The following FBXO25 variants were observed in gnomAD, a reference collection of about 807,000 sequenced individuals.
FBXO25 encodes F-box only protein 25.
FBXO25 carries 45 observed loss-of-function variants against 51.9 expected under a neutral mutation model. The observed-to-expected ratio is 0.87, with a 90% CI of 0.68 to 1.11. The LOEUF is 1.11. FBXO25 is among the 50% of genes most tolerant of loss of function. FBXO25 has a pLI of 0.00. For synonymous variants in FBXO25, 199 were observed against 151.0 expected, an observed-to-expected ratio of 1.32 and a Z score of -2.33; for missense variants, 507 against 428.5, an observed-to-expected ratio of 1.18 and a Z score of -1.62.
In FBXO25 at chr8:476,165, A is replaced by C. The variant is rs566401711; in HGVS notation, c.*7361A>C. The C allele has an allele frequency of 6.6e-6, 1 of 152,230 alleles. No homozygotes were observed. Among genetic ancestry groups the C allele is most frequent in the African/African-American group, 2.4e-5 (1 of 41,552 alleles). 9.4% of individuals were successfully genotyped at this position (152,230 alleles called of 1,614,324 possible). A position where few individuals can be genotyped will look rare whatever the true frequency, so the allele number is the denominator to read the frequency against. On this transcript the variant is annotated 3_prime_UTR_variant, in exon 10 of 10. Transcript: ENST00000350302. ...ATTCTATTAATGTAATAGACATTAC[A>C]TTTATTGACTTGAGCATGTTGAAAC...
intron 2 of FBXO25, among the ~76,000 whole-genome samples, chr8:419,498 A>G (rs1233378235): frequency 6.6e-6 from 1 of 152,268 alleles, no homozygotes. Context: ...AGATAAGTCC[A>G]TACAGATATG....
intron 7 of FBXO25, among the ~76,000 whole-genome samples, chr8:454,894 A>G (rs1446872130): frequency 6.9e-6 from 1 of 145,780 alleles, no homozygotes; most frequent in Non-Finnish European, 1.5e-5. Flanking sequence ...CCATCTCAAA[A>G]AAAGAAAAAG....
chr8:417,533 G>A (rs1406595467), intron 2 of FBXO25, among the ~76,000 whole-genome samples: 1 of 152,210 alleles, frequency 6.6e-6, no homozygotes, highest in Non-Finnish European at 1.5e-5. Flanking sequence ...CAGCTAGAAG[G>A]TAGAGTTGCA....
Position 473,206 on chromosome 8 carries a change from C to G in FBXO25, c.*4402C>G, listed in dbSNP as rs76516419. 9.2e-5 allele frequency: 14 copies of G among 152,408 alleles called. No homozygotes were observed. The highest frequency in any genetic ancestry group is 1.5e-4 in the Non-Finnish European group (10 of 68,108). The allele number at this position is 152,408 out of a possible 1,614,324, so 9.4% of individuals were successfully genotyped here. A position where few individuals can be genotyped will look rare whatever the true frequency, so the allele number is the denominator to read the frequency against. ...TCAACTTTGGAAAGCAGTGTCCCCC[C>G]GCGTCCCATGGGCTAAATGCCACTG... On this transcript the variant is annotated 3_prime_UTR_variant, in exon 10 of 10. Transcript: ENST00000350302.
rs565595341 is a variant in FBXO25, at chr8:407,350, C to T, written c.-8+284C>T. 38 of 955,852 alleles carry T rather than the reference C, an allele frequency of 4.0e-5. No homozygotes were observed. In the East Asian group the frequency reaches 4.5e-3, roughly 112 times the overall value. The allele number at this position is 955,852 out of a possible 1,614,324, so 59.2% of individuals were successfully genotyped here. ...CAGGTGGGGACGGGATTGCCGCGTG[C>T]GCGTCTGCTGAAGTCTGGGTCCGCG... On this transcript the variant is annotated intron_variant, in intron 1 of 9. Transcript: ENST00000350302.
intron 5 of FBXO25, among the ~76,000 whole-genome samples, chr8:443,176 G>A (rs1377855319): frequency 6.6e-6 from 1 of 151,160 alleles, no homozygotes; most frequent in Non-Finnish European, 1.5e-5. Context: ...CGGTGGATAG[G>A]TGGTGTCAGG....
intron 5 of FBXO25, among the ~76,000 whole-genome samples, chr8:436,208 C>G (rs989870342): frequency 1.5e-4 from 23 of 152,146 alleles, no homozygotes; most frequent in Non-Finnish European, 2.9e-4. Context: ...AAATTTTTAT[C>G]TTGGGCCACA....
chr8:461,215 C>A (rs184675406), intron 8 of FBXO25, among the ~76,000 whole-genome samples: 1 of 152,168 alleles, frequency 6.6e-6, no homozygotes, highest in Non-Finnish European at 1.5e-5. Context: ...TATTAAGATA[C>A]CCTCCACTTT....
intron 2 of FBXO25, among the ~76,000 whole-genome samples, chr8:418,835 G>A (rs559245615): frequency 1.3e-5 from 2 of 152,222 alleles, no homozygotes; most frequent in South Asian, 2.1e-4. Flanking sequence ...CTGGATAAAC[G>A]TGCAAGGAAA....
chr8:409,429 C>T (rs987283488), intron 1 of FBXO25, among the ~76,000 whole-genome samples: 1 of 152,164 alleles, frequency 6.6e-6, no homozygotes, highest in African/African-American at 2.4e-5. Context: ...AACTTATCAG[C>T]TGAGAAATTC....
chr8:451,714 T>A (rs1799112480), intron 7 of FBXO25, among the ~76,000 whole-genome samples: 1 of 152,202 alleles, frequency 6.6e-6, no homozygotes, highest in African/African-American at 2.4e-5. Flanking sequence ...TTTACCTTCA[T>A]GGGAAACTGA....
At chr8:450,952 C>G in intron 6 of FBXO25, 1 of 218,614 alleles carries the variant, frequency 4.6e-6, no homozygotes, top group South Asian at 9.7e-5. Context: ...AATTATCATT[C>G]TACTTTCTGT....
intron 7 of FBXO25, among the ~76,000 whole-genome samples, chr8:453,198 T>A (rs1050369280): frequency 2.0e-5 from 3 of 152,220 alleles, no homozygotes; most frequent in African/African-American, 7.2e-5. Flanking sequence ...CTTTGGGGAA[T>A]AAGAAAGCGC....
chr8:474,408 C>G lies in FBXO25; in HGVS notation c.*5604C>G, dbSNP rs935161687. The G allele has an allele frequency of 1.8e-5, 5 of 279,346 alleles. No homozygotes were observed. The highest frequency in any genetic ancestry group is 2.8e-5 in the Non-Finnish European group (4 of 145,436). The allele number at this position is 279,346 out of a possible 1,614,324, so 17.3% of individuals were successfully genotyped here. On this transcript the variant is annotated 3_prime_UTR_variant, in exon 10 of 10. Transcript: ENST00000350302. The stretch of plus-strand genomic sequence containing the variant: ...TATTGCTGCCGTAAACATGGGTGTG[C>G]AAATATCTGAGTCTCTGCTTTCAAT...
intron 1 of FBXO25, among the ~76,000 whole-genome samples, chr8:409,021 C>G (rs573064927): frequency 3.2e-4 from 48 of 152,216 alleles, no homozygotes; most frequent in African/African-American, 1.1e-3. Flanking sequence ...TTTAGCTGAA[C>G]AAATACATTC....
chr8:435,215 A>C (rs1306535383), intron 4 of FBXO25, among the ~76,000 whole-genome samples: 1 of 152,178 alleles, frequency 6.6e-6, no homozygotes, highest in Non-Finnish European at 1.5e-5. Context: ...TGTAACACCT[A>C]CATCCTTACA....
rs760677086 is a variant in FBXO25, at chr8:475,036, T to G, written c.*6232T>G. On this transcript the variant is annotated 3_prime_UTR_variant, in exon 10 of 10. Transcript: ENST00000350302. ...TCTGGTGTCATATCTAAGAAATCAC[T>G]GCCAAATCCAATGTTGTTAAAAGTT... is the stretch of plus-strand genomic sequence containing the variant. The G allele has an allele frequency of 4.9e-6, 2 of 409,936 alleles. No individual in the cohort carries two copies. The highest frequency in any genetic ancestry group is 9.5e-6 in the Non-Finnish European group (2 of 209,940). 25.4% of individuals were successfully genotyped at this position (409,936 alleles called of 1,614,324 possible).
intron 9 of FBXO25, chr8:467,858 A>G (rs1800281646): frequency 1.9e-6 from 3 of 1,589,514 alleles, no homozygotes; most frequent in South Asian, 2.3e-5. Flanking sequence ...GCTCTCGCTG[A>G]CTTGAGCTTT....
chr8:468,603 G>C, intron 9 of FBXO25, 112 bp from the exon 10 acceptor site: 2 of 753,594 alleles, frequency 2.7e-6, no homozygotes, highest in South Asian at 3.4e-5. Context: ...ATGTACCTCT[G>C]AGGTGGGGCC....
Sources: gnomAD v4.1 joint callset for allele counts (sites outside exome capture counted in the v4.1 genomes callset) on GRCh38, gnomAD v4.1.1 for gene constraint, MANE v1.5 for transcripts, NCBI Gene and HGNC (gene_info 2026-07-23, HGNC 2026-07-21) for gene names.